GLP2R: variants seen among roughly 807,000 people sequenced by gnomAD.
GLP2R encodes the protein glucagon-like peptide 2 receptor.
In GLP2R, 59 loss-of-function variants were observed where a neutral mutation model predicts 68.2. The ratio of observed to expected loss-of-function variants is 0.87; its 90% CI spans 0.70 to 1.07. The LOEUF is 1.07. Ranked by LOEUF, GLP2R falls within the 50% of genes least tolerant of loss-of-function variation. GLP2R has a pLI of 0.00. For synonymous variants in GLP2R, 270 were observed against 265.4 expected, an observed-to-expected ratio of 1.02 and a Z score of -0.17; for missense variants, 548 against 677.4, an observed-to-expected ratio of 0.81 and a Z score of 2.12.
At chr17:9,854,838 G>C (rs999042948) in intron 5 of GLP2R, among the ~76,000 whole-genome samples, 1 of 152,062 alleles carries the variant, frequency 6.6e-6, no homozygotes, top group African/African-American at 2.4e-5. Flanking sequence ...GAGATTAACA[G>C]CAATAACCAA....
chr17:9,834,599 G>A (rs1000479308), intron 2 of GLP2R: 2 of 152,780 alleles, frequency 1.3e-5, no homozygotes, highest in Non-Finnish European at 2.9e-5. Context: ...AAAGAAGAAA[G>A]TACCTTGGCC....
intron 1 of GLP2R, among the ~76,000 whole-genome samples, chr17:9,831,415 A>C (rs1393696850): frequency 2.0e-5 from 3 of 152,120 alleles, no homozygotes; most frequent in African/African-American, 7.2e-5. Flanking sequence ...ATAGGGAGGA[A>C]GATGGATAAG....
rs75520717 is a variant in GLP2R, at chr17:9,863,334, A to T, written c.1056+1244A>T. On this transcript the variant is annotated intron_variant, in intron 9 of 12. Coordinates refer to ENST00000262441, the MANE Select transcript of GLP2R (RefSeq NM_004246.3). Reference sequence around the variant, plus strand: ...GCTTTGTGTATGAGTGTATGAACTCATTTAATCTTCCCAACCAACCTGTGA... The same window carrying T: ...GCTTTGTGTATGAGTGTATGAACTCTTTTAATCTTCCCAACCAACCTGTGA... Among the ~76,000 whole-genome samples the T allele has an allele frequency of 7.9e-5, 12 of 152,304 alleles. No individual in the cohort carries two copies. The East Asian group carries it at 2.3e-3, about 29-fold the overall frequency.
intron 3 of GLP2R, among the ~76,000 whole-genome samples, chr17:9,839,507 C>T (rs1466739364): frequency 6.6e-6 from 1 of 152,120 alleles, no homozygotes; most frequent in African/African-American, 2.4e-5. Context: ...GCCAGGTCTT[C>T]CATCTCCTCC....
intron 1 of GLP2R, among the ~76,000 whole-genome samples, chr17:9,830,709 C>A (rs1036259235): frequency 1.3e-5 from 2 of 152,170 alleles, no homozygotes; most frequent in Non-Finnish European, 2.9e-5. Flanking sequence ...TTTCCAGACA[C>A]CATGCAAACT....
rs112607731 is a variant in GLP2R at position 9,838,633 on chromosome 17, T to TA, written c.382+2168dup. Among the ~76,000 whole-genome samples, 477 of 150,314 alleles carry TA rather than the reference T, an allele frequency of 3.2e-3. 1 individual carries two copies. Among genetic ancestry groups the TA allele is most frequent in the South Asian group, 0.013 (63 of 4,766 alleles). ...CAAAGAAGTTAAATTAAAGCCTCTT[T>TA]AAAAAAAAAATAGGTTTTGGGCTTC... On this transcript the variant is annotated intron_variant, in intron 3 of 12. Transcript: ENST00000262441.
At chr17:9,876,573 T>A (rs1340678662) in intron 10 of GLP2R, among the ~76,000 whole-genome samples, 1 of 152,200 alleles carries the variant, frequency 6.6e-6, no homozygotes, top group Non-Finnish European at 1.5e-5. Context: ...TTCCTCCACC[T>A]CTCACATGAG....
intron 1 of GLP2R, among the ~76,000 whole-genome samples, chr17:9,826,863 TTTTG>T (rs747548856): frequency 7.2e-5 from 11 of 152,086 alleles, no homozygotes; most frequent in South Asian, 2.1e-4. Context: ...GCATACAGTT[TTTTG>T]TTTGTTTGTT....
chr17:9,871,712 ACTTT>A (rs1315337779), intron 10 of GLP2R, among the ~76,000 whole-genome samples: 1 of 136,620 alleles, frequency 7.3e-6, no homozygotes, highest in African/African-American at 2.8e-5. Context: ...GTTATTCTTT[ACTTT>A]CTTTCTTTTT....
In GLP2R at chr17:9,842,514, C is replaced by T. The variant is rs1177229329; in HGVS notation, c.402C>T (p.Tyr134=). 6.2e-7 allele frequency: 1 copy of T among 1,614,186 alleles called. No homozygotes were observed. The highest frequency in any genetic ancestry group is 1.3e-5 in the African/African-American group (1 of 75,060). The stretch of plus-strand genomic sequence containing the variant: ...TTTCAGAGAGCTCAGGAAGGGCCTA[C>T]AGACACTGCTTGGCTCAGGGGACTT... ...WWSEESSGRA[Y]RHCLAQGTWQ... is the part of the protein sequence containing the mutation. Residue 134 remains tyrosine (Y), a synonymous_variant, in exon 4 of 13, where the codon TAC becomes TAT. Coordinates refer to ENST00000262441, the MANE Select transcript of GLP2R (RefSeq NM_004246.3).
intron 9 of GLP2R, chr17:9,866,056 G>A (rs79341611): frequency 7.9e-6 from 2 of 253,282 alleles, no homozygotes; most frequent in African/African-American, 4.9e-5. Flanking sequence ...CTAGGACTCT[G>A]TGCATTGGTT....
At chr17:9,872,521 A>G (rs967083633) in intron 10 of GLP2R, among the ~76,000 whole-genome samples, 1 of 152,192 alleles carries the variant, frequency 6.6e-6, no homozygotes, top group African/African-American at 2.4e-5. Flanking sequence ...AGGTTGCAGT[A>G]AGCCGAGATC....
chr17:9,863,123 T>C (rs985008134), intron 9 of GLP2R, among the ~76,000 whole-genome samples: 1 of 142,404 alleles, frequency 7.0e-6, no homozygotes, highest in South Asian at 2.1e-4. Context: ...CTGCAGCTGA[T>C]AGTGTGCCAG....
chr17:9,875,852 C>T (rs913522461), intron 10 of GLP2R, among the ~76,000 whole-genome samples: 21 of 152,200 alleles, frequency 1.4e-4, no homozygotes, highest in African/African-American at 4.8e-4. Flanking sequence ...GCTCTTGATT[C>T]ATTTATAAAG....
intron 11 of GLP2R, among the ~76,000 whole-genome samples, chr17:9,882,038 T>TAAAAA (rs60129746): frequency 1.9e-4 from 22 of 113,654 alleles, no homozygotes; most frequent in African/African-American, 7.0e-4. Flanking sequence ...ACACATTAAC[T>TAAAAA]AAAAAAAAAA....
At position 9,887,721 on chromosome 17, in the gene GLP2R, C is replaced by T. The variant is rs765878353; in HGVS notation, c.1285-211C>T. On this transcript the variant is annotated intron_variant, in intron 11 of 12. Transcript: ENST00000262441. ...GCTGATATAGGCGGAGCAGGGCGGG[C>T]GGGGCGCTGGATGTCAAAGTAAGAA... Among the ~76,000 whole-genome samples the T allele has an allele frequency of 1.2e-4, 18 of 152,218 alleles. No individual in the cohort carries two copies. The South Asian group carries it at 1.5e-3, about 12-fold the overall frequency.
In GLP2R at chr17:9,826,114, C is replaced by G; in HGVS notation, c.51C>G (p.Leu17=). Residue 17 remains leucine (L), a synonymous_variant, in exon 1 of 13, where the codon CTC becomes CTG. Coordinates refer to ENST00000262441, the MANE Select transcript of GLP2R (RefSeq NM_004246.3). The stretch of plus-strand genomic sequence containing the variant: ...GGCCTGGGAGAGGAAGCGCGGGACT[C>G]CTGCCTGGCGTCCACGAGCTGCCCA... ...RAGPGRGSAG[L]LPGVHELPMG... is the part of the protein sequence containing the mutation. 1 of 1,612,932 alleles carries G rather than the reference C, an allele frequency of 6.2e-7. No individual in the cohort carries two copies. The highest frequency in any genetic ancestry group is 1.7e-5 in the Admixed American group (1 of 59,840).
At chr17:9,836,342 T>G (rs755779830) in intron 2 of GLP2R, 29 bp from the exon 3 acceptor site, 2 of 1,418,576 alleles carry the variant, frequency 1.4e-6, no homozygotes, top group Admixed American at 1.7e-5. Flanking sequence ...AAAACACTGA[T>G]GTTTATCAGA....
chr17:9,838,374 C>T (rs1306319160), intron 3 of GLP2R, among the ~76,000 whole-genome samples: 2 of 152,158 alleles, frequency 1.3e-5, no homozygotes, highest in South Asian at 2.1e-4. Context: ...GCACAGCTGC[C>T]GCTTGGTCCG....
Sources: allele counts gnomAD v4.1 joint callset (sites outside exome capture counted in the v4.1 genomes callset), GRCh38; gene constraint gnomAD v4.1.1; transcripts MANE v1.5; gene names NCBI Gene and HGNC (gene_info 2026-07-23, HGNC 2026-07-21).